Variants in EYA3 observed in about 807,000 individuals in gnomAD.
The protein encoded by EYA3 is EYA transcriptional coactivator and phosphatase 3, also known as protein phosphatase EYA3.
A neutral mutation model predicts 80.0 loss-of-function variants in EYA3; 39 were observed. That is an observed-to-expected ratio of 0.49 (90% CI 0.38 to 0.64). The LOEUF (loss-of-function observed/expected upper bound fraction) is 0.64. Among genes scored for constraint, EYA3 ranks in the 30% least tolerant of loss-of-function variants. The pLI, the probability that EYA3 is intolerant of heterozygous loss-of-function variation, is 0.00. For synonymous variants in EYA3, 206 were observed against 232.8 expected (o/e 0.88, Z 1.05); for missense variants, 523 against 676.1 (o/e 0.77, Z 2.51).
At chr1:28,066,910 C>T (rs1235876711) in intron 1 of EYA3, among the ~76,000 whole-genome samples, 1 of 152,040 alleles carries the variant, frequency 6.6e-6, no homozygotes, top group African/African-American at 2.4e-5. Context: ...CACAGAGATT[C>T]AATCGGCACT....
chr1:28,028,356 A>C (rs1642911173), intron 6 of EYA3, among the ~76,000 whole-genome samples: 1 of 152,126 alleles, frequency 6.6e-6, no homozygotes, highest in Non-Finnish European at 1.5e-5. Context: ...ACAAGGACCA[A>C]ATTTTTCTAA....
chr1:28,047,886 G>A (rs531542748), intron 3 of EYA3, among the ~76,000 whole-genome samples: 9 of 152,186 alleles, frequency 5.9e-5, no homozygotes, highest in Non-Finnish European at 1.0e-4. Flanking sequence ...TGATCTGCCC[G>A]CCTCAGCCTC....
intron 6 of EYA3, among the ~76,000 whole-genome samples, chr1:28,034,763 C>T (rs186162751): frequency 2.6e-5 from 4 of 152,152 alleles, no homozygotes; most frequent in South Asian, 2.1e-4. Context: ...TTTTCTAATT[C>T]GTAGCTTGAT....
intron 14 of EYA3, 134 bp from the exon 15 acceptor site, chr1:27,989,945 T>C: frequency 2.3e-6 from 1 of 426,770 alleles, no homozygotes; most frequent in Non-Finnish European, 4.2e-6. Flanking sequence ...TATATATATA[T>C]ATACATATAC....
intron 11 of EYA3, among the ~76,000 whole-genome samples, chr1:28,001,474 C>T (rs1328576962): frequency 2.1e-5 from 3 of 143,564 alleles, no homozygotes; most frequent in Admixed American, 6.7e-5. Context: ...TTTTGCCAGG[C>T]GCAGTGGCTC....
chr1:28,078,354 G>T (rs1645296242), intron 1 of EYA3, among the ~76,000 whole-genome samples: 1 of 152,108 alleles, frequency 6.6e-6, no homozygotes, highest in Admixed American at 6.6e-5. Flanking sequence ...ATATTTTCAA[G>T]CTCCTGAGCA....
intron 1 of EYA3, among the ~76,000 whole-genome samples, chr1:28,060,930 C>T (rs1355996215): frequency 1.3e-5 from 2 of 152,156 alleles, no homozygotes; most frequent in Non-Finnish European, 2.9e-5. Flanking sequence ...AAGAGAATCG[C>T]GTGAACCTGG....
At chr1:28,046,779 G>T (rs1340740174) in intron 3 of EYA3, among the ~76,000 whole-genome samples, 1 of 152,072 alleles carries the variant, frequency 6.6e-6, no homozygotes, top group Non-Finnish European at 1.5e-5. Flanking sequence ...AAAAAAGTGA[G>T]GAAGTTAAGA....
rs1306671412 is a variant in EYA3 at position 28,084,569 on chromosome 1, ATATATATATATATATATATATATATATTT to A, written c.-69+3926_-69+3954del. Among the ~76,000 whole-genome samples the A allele has an allele frequency of 3.0e-3, 26 of 8,692 alleles. 1 individual carries two copies. The South Asian group carries it at 0.077, about 26-fold the overall frequency. The allele number at this position is 8,692 out of a possible 152,430, so 5.7% of individuals were successfully genotyped here. A position where few individuals can be genotyped will look rare whatever the true frequency, so the allele number is the denominator to read the frequency against. ...TGACTATTCCAAAATATATATATAT[ATATATATATATATATATATATATATATTT>A]TTTTTTTTTTTTTTTTTTTTTTTTT... is the stretch of plus-strand genomic sequence containing the variant. On this transcript the variant is annotated intron_variant, in intron 1 of 17. Transcript: ENST00000373871.
intron 4 of EYA3, 85 bp downstream of exon 4, chr1:28,042,486 G>T: frequency 2.6e-6 from 3 of 1,173,668 alleles, no homozygotes; most frequent in Non-Finnish European, 3.8e-6. Context: ...GACAAACAAG[G>T]CAATTACGAA....
At chr1:28,031,929 A>C (rs932992321) in intron 6 of EYA3, 1 of 151,844 alleles carries the variant, frequency 6.6e-6, no homozygotes, top group Non-Finnish European at 1.5e-5. Flanking sequence ...TGCAGTGGCT[A>C]TTCACAGGCA....
At chr1:28,007,841 C>T (rs1258239152) in intron 10 of EYA3, among the ~76,000 whole-genome samples, 1 of 152,082 alleles carries the variant, frequency 6.6e-6, no homozygotes, top group Non-Finnish European at 1.5e-5. Context: ...AAATTCAACG[C>T]AATCCCTATC....
chr1:28,005,535 A>C (rs185078513), intron 10 of EYA3, among the ~76,000 whole-genome samples: 1 of 151,520 alleles, frequency 6.6e-6, no homozygotes, highest in Non-Finnish European at 1.5e-5. Flanking sequence ...ACAACATGGC[A>C]AAACACCGTC....
At chr1:28,063,248 T>C (rs1041617693) in intron 1 of EYA3, among the ~76,000 whole-genome samples, 3 of 151,088 alleles carry the variant, frequency 2.0e-5, no homozygotes, top group Admixed American at 6.6e-5. Context: ...GCTCACTGAC[T>C]ACATTGTATT....
intron 7 of EYA3, among the ~76,000 whole-genome samples, chr1:28,020,465 T>C (rs1006366754): frequency 6.6e-6 from 1 of 152,032 alleles, no homozygotes; most frequent in African/African-American, 2.4e-5. Context: ...AAGGATAAAA[T>C]AGTAAGACAA....
In EYA3 at chr1:28,058,065, T is replaced by C; in HGVS notation, c.-39A>G. On this transcript the variant is annotated 5_prime_UTR_variant, in exon 2 of 18. Transcript: ENST00000373871. ...TCTTTATTATACTTATGTGACTGGA[T>C]TGCAAGTCTCTCTCAGCAGTTTTCA... 4 of 1,531,584 alleles carry C rather than the reference T, an allele frequency of 2.6e-6. No homozygotes were observed. The highest frequency in any genetic ancestry group is 2.7e-6 in the Non-Finnish European group (3 of 1,129,542). The allele number at this position is 1,531,584 out of a possible 1,614,324, so 94.9% of individuals were successfully genotyped here. A position where few individuals can be genotyped will look rare whatever the true frequency, so the allele number is the denominator to read the frequency against.
chr1:28,086,634 T>C (rs1645665901), intron 1 of EYA3, among the ~76,000 whole-genome samples: 5 of 152,250 alleles, frequency 3.3e-5, no homozygotes, highest in African/African-American at 9.6e-5. Flanking sequence ...TGTTCTTATC[T>C]TAATCTGCAT....
At chr1:28,023,832 G>A (rs1347864375) in intron 7 of EYA3, among the ~76,000 whole-genome samples, 5 of 152,204 alleles carry the variant, frequency 3.3e-5, no homozygotes, top group Non-Finnish European at 7.4e-5. Context: ...TGTAACAAGT[G>A]TAATATACTA....
At chr1:27,996,835 G>C (rs1640491530) in intron 13 of EYA3, among the ~76,000 whole-genome samples, 1 of 152,216 alleles carries the variant, frequency 6.6e-6, no homozygotes, top group Non-Finnish European at 1.5e-5. Context: ...AGGAGCCTGA[G>C]CAAGCATTTT....
Sources: gnomAD v4.1 joint callset for allele counts (sites outside exome capture counted in the v4.1 genomes callset) on GRCh38, gnomAD v4.1.1 for gene constraint, MANE v1.5 for transcripts, NCBI Gene and HGNC (gene_info 2026-07-23, HGNC 2026-07-21) for gene names.